TEKT1: variants seen among roughly 807,000 people sequenced by gnomAD.
TEKT1 encodes the protein tektin 1.
Under a neutral mutation model 34.8 loss-of-function variants are expected in TEKT1, and 32 were observed. The observed-to-expected ratio is 0.92, with a 90% confidence interval of 0.69 to 1.23. The LOEUF is 1.23. Among genes scored for constraint, TEKT1 ranks in the 50% most tolerant of loss-of-function variants. TEKT1 has a pLI of 0.00. For missense variants in TEKT1, 492 were observed against 518.5 expected (o/e 0.95, Z 0.50); for synonymous variants, 207 against 199.8 (o/e 1.04, Z -0.30).
chr17:6,830,381 G>T lies in TEKT1; in HGVS notation c.-5C>A. 6.4e-7 allele frequency: 1 copy of T among 1,553,272 alleles called. No homozygotes were observed. The highest frequency in any genetic ancestry group is 8.6e-7 in the Non-Finnish European group (1 of 1,156,334). On this transcript the variant is annotated 5_prime_UTR_variant, in exon 2 of 8. Coordinates refer to ENST00000338694, the MANE Select transcript of TEKT1 (RefSeq NM_053285.2). ...AGGTTGTAATAGTTTAGCCATTTGA[G>T]GTTTCCAAATTCCTGATCAAAAGCA...
intron 2 of TEKT1, among the ~76,000 whole-genome samples, chr17:6,822,866 T>C (rs991065766): frequency 2.0e-5 from 3 of 152,242 alleles, no homozygotes; most frequent in African/African-American, 7.2e-5. Context: ...AAATGCTGTC[T>C]AGAGGGACAG....
chr17:6,815,935 C>CACCA lies in TEKT1; in HGVS notation c.380_383dup (p.His129GlyfsTer8). The CACCA allele has an allele frequency of 6.2e-7, 1 of 1,614,134 alleles. No homozygotes were observed. Among genetic ancestry groups the CACCA allele is most frequent in the Non-Finnish European group, 8.5e-7 (1 of 1,180,036 alleles). On this transcript the variant is annotated frameshift_variant, in exon 4 of 8. Coordinates refer to ENST00000338694, the MANE Select transcript of TEKT1 (RefSeq NM_053285.2). LOFTEE classifies it high-confidence loss of function. ...TCAGCTCATGCTCCACTGTGTCGTG[C>CACCA]ACCAGGTCAATGCCAATGCGCTTCT...
chr17:6,814,465 T>G lies in TEKT1; in HGVS notation c.629+698A>C, dbSNP rs1276869066. ...TCATTTTTATAAACTAAACAAAGTT[T>G]ACCGTATGTGTGTGAGTGCACATGT... On this transcript the variant is annotated intron_variant, in intron 5 of 7. Transcript: ENST00000338694. Among the ~76,000 whole-genome samples, 5 of 152,346 alleles carry G rather than the reference T, an allele frequency of 3.3e-5. No individual in the cohort carries two copies. The South Asian group carries it at 6.2e-4, about 19-fold the overall frequency.
rs142057928 is a variant in TEKT1 at position 6,822,470 on chromosome 17, A to G, written c.191-3112T>C. The stretch of plus-strand genomic sequence containing the variant: ...CTATGCTCTTTCTGAAACTCCTATT[A>G]GTTATTGAGCCTCCCAGACTGATCC... On this transcript the variant is annotated intron_variant, in intron 2 of 7. Transcript: ENST00000338694. 7.6e-4 allele frequency among the ~76,000 whole-genome samples: 116 copies of G among 152,084 alleles called. 1 individual carries two copies. The highest frequency in any genetic ancestry group is 2.7e-3 in the African/African-American group (113 of 41,472).
chr17:6,815,784 T>C, intron 4 of TEKT1, 50 bp downstream of exon 4: 3 of 1,608,848 alleles, frequency 1.9e-6, no homozygotes, highest in Non-Finnish European at 2.5e-6. Flanking sequence ...GACACTGCCT[T>C]TTCTCAAAAT....
In TEKT1 at chr17:6,812,950, T is replaced by TTCGA; in HGVS notation, c.729_732dup (p.Ile245SerfsTer9). The stretch of plus-strand genomic sequence containing the variant: ...AGATCATTGGCTGTCTGGGACAGGA[T>TTCGA]TCGATCCACCAGGGCTTTCAGCATC... On this transcript the variant is annotated frameshift_variant, in exon 6 of 8. Transcript: ENST00000338694. LOFTEE classifies it high-confidence loss of function. 1 of 1,614,230 alleles carries TTCGA rather than the reference T, an allele frequency of 6.2e-7. No homozygotes were observed. The highest frequency in any genetic ancestry group is 8.5e-7 in the Non-Finnish European group (1 of 1,180,024).
chr17:6,830,469 A>G, intron 1 of TEKT1, 76 bp from the exon 2 acceptor site: 1 of 1,020,540 alleles, frequency 9.8e-7, no homozygotes, highest in South Asian at 1.8e-5. Flanking sequence ...TTCAAGGATG[A>G]CATATATACG....
At position 6,811,321 on chromosome 17, in the gene TEKT1, TG is replaced by T. The variant is rs1976925329; in HGVS notation, c.852+1509del. ...TATATGCAAAATGTGTGTGTGTGTGTGTGTGTGTGTGTGAAATGTATACATG... is the reference window on the plus strand; with the variant it reads ...TATATGCAAAATGTGTGTGTGTGTGTTGTGTGTGTGTGAAATGTATACATG... On this transcript the variant is annotated intron_variant, in intron 6 of 7. Coordinates refer to ENST00000338694, the MANE Select transcript of TEKT1 (RefSeq NM_053285.2). The surrounding 1 kb of genome is among the most constrained non-coding windows in gnomAD (Gnocchi z 4.4). Among the ~76,000 whole-genome samples the T allele has an allele frequency of 2.0e-5, 3 of 152,090 alleles. No homozygotes were observed. The highest frequency in any genetic ancestry group is 2.0e-4 in the Admixed American group (3 of 15,256).
intron 3 of TEKT1, among the ~76,000 whole-genome samples, chr17:6,818,045 C>G (rs1977030663): frequency 6.6e-6 from 1 of 152,078 alleles, no homozygotes; most frequent in Non-Finnish European, 1.5e-5. Context: ...ACAGGGCTTT[C>G]CAGGAAGACA....
At chr17:6,808,533 A>C (rs930076328) in intron 6 of TEKT1, among the ~76,000 whole-genome samples, 1 of 152,192 alleles carries the variant, frequency 6.6e-6, no homozygotes, top group African/African-American at 2.4e-5. Context: ...TTGGAAACGC[A>C]GAAATCACCC....
rs74707412 is a variant in TEKT1, at chr17:6,809,989, C to T, written c.852+2842G>A. ...TTTGTATGAACATAAGTTTTCAGCCCATCTGGGCAAATACCAAGGAAGGAG... is the reference window on the plus strand; with the variant it reads ...TTTGTATGAACATAAGTTTTCAGCCTATCTGGGCAAATACCAAGGAAGGAG... On this transcript the variant is annotated intron_variant, in intron 6 of 7. Transcript: ENST00000338694. Among the ~76,000 whole-genome samples, 1,192 of 152,266 alleles carry T rather than the reference C, an allele frequency of 7.8e-3. 22 individuals are homozygous for T. The highest frequency in any genetic ancestry group is 0.028 in the African/African-American group (1,153 of 41,540).
intron 6 of TEKT1, among the ~76,000 whole-genome samples, chr17:6,801,311 C>T (rs1328951641): frequency 6.6e-6 from 1 of 152,198 alleles, no homozygotes; most frequent in Non-Finnish European, 1.5e-5. Context: ...CTCACCACTC[C>T]TATCCTGCTA....
At chr17:6,802,060 A>G (rs184024725) in intron 6 of TEKT1, among the ~76,000 whole-genome samples, 15 of 152,340 alleles carry the variant, frequency 9.8e-5, no homozygotes, top group Non-Finnish European at 1.6e-4. Context: ...TGACAAAACC[A>G]CAATACCTTT....
intron 5 of TEKT1, 171 bp downstream of exon 5, chr17:6,814,992 G>A (rs1976983769): frequency 2.8e-6 from 2 of 718,086 alleles, no homozygotes; most frequent in East Asian, 2.6e-5. Context: ...AGCCTAACCT[G>A]GAGAATCAGG....
intron 2 of TEKT1, among the ~76,000 whole-genome samples, chr17:6,821,524 T>C (rs1312413560): frequency 2.6e-5 from 4 of 152,218 alleles, no homozygotes; most frequent in Admixed American, 6.5e-5. Flanking sequence ...CAGGTATTTC[T>C]TTATAGCAGT....
chr17:6,799,992 A>G lies in TEKT1; in HGVS notation c.*35T>C, dbSNP rs746867776. ...TGTACTACTGTAACTACTGTTTACA[A>G]TGTGGTTTAATGAGAATTGGAACTA... On this transcript the variant is annotated 3_prime_UTR_variant, in exon 8 of 8. Coordinates refer to ENST00000338694, the MANE Select transcript of TEKT1 (RefSeq NM_053285.2). The G allele has an allele frequency of 3.8e-6, 6 of 1,578,870 alleles. No homozygotes were observed. The East Asian group carries it at 1.3e-4, about 35-fold the overall frequency.
intron 3 of TEKT1, among the ~76,000 whole-genome samples, chr17:6,818,889 T>C (rs1977045715): frequency 6.6e-6 from 1 of 152,162 alleles, no homozygotes; most frequent in South Asian, 2.1e-4. Flanking sequence ...ACTCTTTGAA[T>C]GTAAGAGAGA....
At chr17:6,825,432 C>G (rs1904367091) in intron 2 of TEKT1, among the ~76,000 whole-genome samples, 1 of 152,182 alleles carries the variant, frequency 6.6e-6, no homozygotes, top group African/African-American at 2.4e-5. Context: ...GGGCAAACAC[C>G]AGTCTGGTGT....
chr17:6,808,676 C>T (rs2151584016), intron 6 of TEKT1, among the ~76,000 whole-genome samples: 1 of 152,182 alleles, frequency 6.6e-6, no homozygotes, highest in Non-Finnish European at 1.5e-5. Flanking sequence ...GTCAATCTAA[C>T]AAATTAGTAA....
Sources: allele counts gnomAD v4.1 joint callset (sites outside exome capture counted in the v4.1 genomes callset), GRCh38; gene constraint gnomAD v4.1.1; non-coding constraint Gnocchi (gnomAD v3.1); transcripts MANE v1.5; gene names NCBI Gene and HGNC (gene_info 2026-07-23, HGNC 2026-07-21).